Variants in BEND7 observed in about 807,000 individuals in gnomAD.
The protein encoded by BEND7 is BEN domain-containing protein 7.
In BEND7, 28 loss-of-function variants were observed where a neutral mutation model predicts 50.9. The observed-to-expected ratio is 0.55, with a 90% CI of 0.41 to 0.75. BEND7 has a LOEUF of 0.75. Among genes scored for constraint, BEND7 ranks in the 30% least tolerant of loss-of-function variants. BEND7 has a pLI of 0.00. For synonymous variants in BEND7, 170 were observed against 183.9 expected, an observed-to-expected ratio of 0.92 and a Z score of 0.61; for missense variants, 477 against 491.3, an observed-to-expected ratio of 0.97 and a Z score of 0.28.
At chr10:13,492,478 C>G (rs1188478497) in intron 5 of BEND7, 133 bp downstream of exon 5, 3 of 1,148,756 alleles carry the variant, frequency 2.6e-6, no homozygotes, top group Admixed American at 5.5e-5. Context: ...AAAATTATTA[C>G]CAGTCTTCTT....
At chr10:13,470,312 G>A (rs1358318538) in intron 6 of BEND7, among the ~76,000 whole-genome samples, 7 of 152,208 alleles carry the variant, frequency 4.6e-5, no homozygotes, top group African/African-American at 1.7e-4. Flanking sequence ...TATACAAATC[G>A]ACAGTGTCCA....
chr10:13,498,537 T>C (rs7917804), intron 3 of BEND7, among the ~76,000 whole-genome samples: 49,131 of 152,114 alleles, frequency 0.32, 8,243 homozygotes, highest in Non-Finnish European at 0.38. Context: ...GATGTGGGGT[T>C]TATTAACTTC....
At chr10:13,454,211 A>G (rs1318234766) in intron 6 of BEND7, among the ~76,000 whole-genome samples, 1 of 152,056 alleles carries the variant, frequency 6.6e-6, no homozygotes, top group Non-Finnish European at 1.5e-5. Context: ...CTTGGTTTGG[A>G]GCATGCTGTT....
At chr10:13,460,237 A>G (rs955588119) in intron 6 of BEND7, among the ~76,000 whole-genome samples, 1 of 152,202 alleles carries the variant, frequency 6.6e-6, no homozygotes, top group African/African-American at 2.4e-5. Flanking sequence ...AAAGAGAGGC[A>G]GGGACCAGAG....
At chr10:13,510,588 T>C (rs187387175) in intron 2 of BEND7, among the ~76,000 whole-genome samples, 221 of 152,300 alleles carry the variant, frequency 1.5e-3, no homozygotes, top group East Asian at 9.6e-4. Context: ...AAGAGTGAAA[T>C]AGACCCTTCT....
At chr10:13,460,899 C>T (rs1212258447) in intron 6 of BEND7, among the ~76,000 whole-genome samples, 1 of 152,136 alleles carries the variant, frequency 6.6e-6, no homozygotes. Context: ...ACATAATGTG[C>T]CAGGACTATG....
chr10:13,450,399 C>T (rs1032636945), intron 7 of BEND7, among the ~76,000 whole-genome samples: 1 of 152,174 alleles, frequency 6.6e-6, no homozygotes, highest in Non-Finnish European at 1.5e-5. Context: ...CCAGACCTCT[C>T]GGTTCCTATC....
At position 13,504,095 on chromosome 10, in the gene BEND7, G is replaced by A. The variant is rs147500659; in HGVS notation, c.146-4015C>T. ...GCAGGTGGGGCAGAGGATCAGAAAC[G>A]AGGCCTGAAGACTCCAAGTGACAAT... On this transcript the variant is annotated intron_variant, in intron 2 of 8. Coordinates refer to ENST00000466271, the MANE Select transcript of BEND7 (RefSeq NM_001369863.1). Among the ~76,000 whole-genome samples, 85 of 152,306 alleles carry A rather than the reference G, an allele frequency of 5.6e-4. 1 individual carries two copies. The East Asian group carries it at 0.014, about 24-fold the overall frequency.
chr10:13,454,101 C>A (rs1384232372), intron 6 of BEND7, among the ~76,000 whole-genome samples: 1 of 152,102 alleles, frequency 6.6e-6, no homozygotes, highest in Non-Finnish European at 1.5e-5. Context: ...GCTAGTGACG[C>A]GTCTAGGGCC....
intron 2 of BEND7, among the ~76,000 whole-genome samples, chr10:13,507,133 G>C (rs531800413): frequency 2.3e-3 from 355 of 152,268 alleles, no homozygotes; most frequent in Non-Finnish European, 3.4e-3. Context: ...CTTATAGAGA[G>C]ATATTAGATC....
At chr10:13,496,645 G>T in intron 4 of BEND7, 121 bp downstream of exon 4, 1 of 1,192,552 alleles carries the variant, frequency 8.4e-7, no homozygotes, top group Admixed American at 2.6e-5. Flanking sequence ...TACTTGAAAA[G>T]GCACAGCAAG....
chr10:13,500,660 G>A (rs920231489), intron 2 of BEND7: 9 of 985,846 alleles, frequency 9.1e-6, no homozygotes, highest in South Asian at 4.7e-5. Context: ...AGGATGACAC[G>A]CTGCCGCTGG....
intron 7 of BEND7, among the ~76,000 whole-genome samples, chr10:13,451,382 GGTGTGTGTGTGTGTGTTT>G (rs1564510321): frequency 6.8e-6 from 1 of 147,640 alleles, no homozygotes; most frequent in African/African-American, 2.5e-5. Context: ...CTTTTTTTTT[GGTGTGTGTGTGTGTGTTT>G]GTGTGTGTGT....
chr10:13,474,405 ATC>A (rs2075243212), intron 6 of BEND7, among the ~76,000 whole-genome samples: 1 of 151,474 alleles, frequency 6.6e-6, no homozygotes, highest in Admixed American at 6.6e-5. Flanking sequence ...CGGGGCTGAT[ATC>A]TGTCATGACT....
At chr10:13,464,216 T>C (rs543175674) in intron 6 of BEND7, among the ~76,000 whole-genome samples, 20 of 152,332 alleles carry the variant, frequency 1.3e-4, no homozygotes, top group African/African-American at 4.6e-4. Flanking sequence ...AACACAGAGA[T>C]GACAGCTGCC....
At chr10:13,454,873 G>T (rs1204322553) in intron 6 of BEND7, among the ~76,000 whole-genome samples, 1 of 152,142 alleles carries the variant, frequency 6.6e-6, no homozygotes, top group Non-Finnish European at 1.5e-5. Flanking sequence ...ACATGTGGTG[G>T]TTAAAACAGT....
chr10:13,500,642 T>C (rs973076008), intron 2 of BEND7: 16 of 986,084 alleles, frequency 1.6e-5, no homozygotes, highest in East Asian at 2.3e-4. Flanking sequence ...GCTGACACAA[T>C]GTCCTCCAGG....
chr10:13,495,851 C>T (rs2076985270), intron 4 of BEND7, among the ~76,000 whole-genome samples: 2 of 152,168 alleles, frequency 1.3e-5, no homozygotes, highest in Non-Finnish European at 2.9e-5. Flanking sequence ...GACTACCATC[C>T]TGATGAAAGG....
intron 2 of BEND7, among the ~76,000 whole-genome samples, chr10:13,508,374 A>C (rs1036291267): frequency 6.6e-6 from 1 of 152,248 alleles, no homozygotes; most frequent in African/African-American, 2.4e-5. Context: ...TAAATAAAGA[A>C]GAGCAAAGCT....
Sources: allele counts gnomAD v4.1 joint callset (sites outside exome capture counted in the v4.1 genomes callset), GRCh38; gene constraint gnomAD v4.1.1; transcripts MANE v1.5; gene names NCBI Gene and HGNC (gene_info 2026-07-23, HGNC 2026-07-21).